PTPRG: variants seen among roughly 807,000 people sequenced by gnomAD.
PTPRG encodes receptor-type tyrosine-protein phosphatase gamma.
A neutral mutation model predicts 165.3 loss-of-function variants in PTPRG; 102 were observed. The ratio of observed to expected loss-of-function variants is 0.62; its 90% confidence interval spans 0.53 to 0.73. PTPRG has a LOEUF of 0.73. Ranked by LOEUF, PTPRG falls within the 30% of genes least tolerant of loss-of-function variation. PTPRG has a pLI of 0.00. For synonymous variants in PTPRG, 675 were observed against 669.5 expected (o/e 1.01, Z -0.13); for missense variants, 1,866 against 1,861.4 (o/e 1.00, Z -0.05).
At chr3:61,702,102 T>C (rs2030997165) in intron 1 of PTPRG, among the ~76,000 whole-genome samples, 1 of 152,094 alleles carries the variant, frequency 6.6e-6, no homozygotes, top group Admixed American at 6.5e-5. Context: ...CCTCAGCCTC[T>C]GGGGTAGCTA....
At chr3:61,846,074 C>A (rs867249293) in intron 2 of PTPRG, among the ~76,000 whole-genome samples, 1 of 152,090 alleles carries the variant, frequency 6.6e-6, no homozygotes, top group African/African-American at 2.4e-5. Context: ...GCTTGCTCAT[C>A]CATTAAATAG....
intron 1 of PTPRG, among the ~76,000 whole-genome samples, chr3:61,600,741 G>A (rs142293922): frequency 6.6e-6 from 1 of 152,146 alleles, no homozygotes; most frequent in African/African-American, 2.4e-5. Context: ...AGTTTTCCCA[G>A]TGTTGCCGAG....
chr3:61,994,280 A>T (rs373004575), intron 3 of PTPRG, among the ~76,000 whole-genome samples: 1 of 152,210 alleles, frequency 6.6e-6, no homozygotes, highest in East Asian at 1.9e-4. Context: ...GTGGCCTTCT[A>T]TGAATTTTAA....
chr3:61,833,168 A>G (rs2036357291), intron 2 of PTPRG, among the ~76,000 whole-genome samples: 1 of 151,560 alleles, frequency 6.6e-6, no homozygotes, highest in African/African-American at 2.4e-5. Context: ...TGAAGGGTGG[A>G]GTAGAGTTAG....
chr3:61,928,759 C>T (rs181191091), intron 2 of PTPRG, among the ~76,000 whole-genome samples: 1 of 151,936 alleles, frequency 6.6e-6, no homozygotes, highest in South Asian at 2.1e-4. Context: ...ATGAAAATGT[C>T]TTATCTCTTT....
At chr3:61,697,731 G>C (rs2030689118) in intron 1 of PTPRG, among the ~76,000 whole-genome samples, 1 of 151,884 alleles carries the variant, frequency 6.6e-6, no homozygotes, top group African/African-American at 2.4e-5. Flanking sequence ...ATCATTTATT[G>C]CTCCTTCAAA....
intron 6 of PTPRG, among the ~76,000 whole-genome samples, chr3:62,143,020 C>A (rs1703987377): frequency 6.6e-6 from 1 of 152,214 alleles, no homozygotes; most frequent in Non-Finnish European, 1.5e-5. Flanking sequence ...CAGAGTCTAA[C>A]CAAGGTCTTC....
intron 2 of PTPRG, among the ~76,000 whole-genome samples, chr3:61,805,620 G>C: frequency 6.6e-6 from 1 of 151,972 alleles, no homozygotes; most frequent in Non-Finnish European, 1.5e-5. Context: ...TCTGGGTTAG[G>C]GTAATTACCA....
chr3:61,570,984 G>C lies in PTPRG; in HGVS notation c.85+8612G>C, dbSNP rs140416203. On this transcript the variant is annotated intron_variant, in intron 1 of 29. Transcript: ENST00000474889. ...TTCAGATATACATATCTCTTATTCA[G>C]AATCCACACCAAAACCACAGAGACC... is the stretch of plus-strand genomic sequence containing the variant. Among the ~76,000 whole-genome samples the C allele has an allele frequency of 3.9e-3, 600 of 152,196 alleles. 7 individuals are homozygous for C. Among genetic ancestry groups the C allele is most frequent in the South Asian group, 0.029 (140 of 4,816 alleles).
intron 2 of PTPRG, among the ~76,000 whole-genome samples, chr3:61,950,436 G>A (rs2039872074): frequency 6.6e-6 from 1 of 152,198 alleles, no homozygotes; most frequent in African/African-American, 2.4e-5. Flanking sequence ...CATAGTAGGT[G>A]TTCAATGAAG....
intron 4 of PTPRG, among the ~76,000 whole-genome samples, chr3:62,077,138 C>T (rs763356441): frequency 5.3e-5 from 8 of 151,990 alleles, no homozygotes; most frequent in Non-Finnish European, 1.2e-4. Context: ...TTGTGGCATG[C>T]ACCTGTAGTC....
rs777681954 is a variant in PTPRG at position 61,793,522 on chromosome 3, TTG to T, written c.190+44542_190+44543del. On this transcript the variant is annotated intron_variant, in intron 2 of 29. Coordinates refer to ENST00000474889, the MANE Select transcript of PTPRG (RefSeq NM_002841.4). Reference sequence around the variant, plus strand: ...ACCTGAACCAGCTGTATCTGGAGCTTTGTACCTTAAACTTTTTAATTATTTGA... The same window carrying T: ...ACCTGAACCAGCTGTATCTGGAGCTTTACCTTAAACTTTTTAATTATTTGA... 1.5e-4 allele frequency among the ~76,000 whole-genome samples: 23 copies of T among 152,216 alleles called. 1 individual carries two copies. The highest frequency in any genetic ancestry group is 3.2e-4 in the Non-Finnish European group (22 of 68,048).
At chr3:61,940,916 G>T (rs1414250151) in intron 2 of PTPRG, among the ~76,000 whole-genome samples, 3 of 151,890 alleles carry the variant, frequency 2.0e-5, no homozygotes, top group African/African-American at 7.2e-5. Context: ...CGCCCGCCTC[G>T]GCCTCCCAAA....
At chr3:61,799,071 T>A (rs573660936) in intron 2 of PTPRG, among the ~76,000 whole-genome samples, 1 of 152,192 alleles carries the variant, frequency 6.6e-6, no homozygotes, top group African/African-American at 2.4e-5. Flanking sequence ...AGAACTCTAC[T>A]ATTTTCATAA....
At chr3:61,702,237 C>T (rs1044351986) in intron 1 of PTPRG, among the ~76,000 whole-genome samples, 1 of 152,032 alleles carries the variant, frequency 6.6e-6, no homozygotes, top group Non-Finnish European at 1.5e-5. Flanking sequence ...CCTCGGCCTC[C>T]CAAAGTGCTG....
intron 2 of PTPRG, among the ~76,000 whole-genome samples, chr3:61,864,015 A>T (rs537260116): frequency 1.3e-5 from 2 of 152,268 alleles, no homozygotes; most frequent in African/African-American, 4.8e-5. Flanking sequence ...CCAGCCCTGG[A>T]TCTTATCCTC....
Position 61,697,417 on chromosome 3 carries a change from C to T in PTPRG, c.86-51461C>T, listed in dbSNP as rs550453552. 2.0e-5 allele frequency among the ~76,000 whole-genome samples: 3 copies of T among 152,306 alleles called. No homozygotes were observed. The East Asian group carries it at 5.8e-4, about 29-fold the overall frequency. On this transcript the variant is annotated intron_variant, in intron 1 of 29. Coordinates refer to ENST00000474889, the MANE Select transcript of PTPRG (RefSeq NM_002841.4). ...TCTCTCTGGAATTCCCCATATCTGA[C>T]TTAGAAAGCTTCTTACAAAATAAAT...
chr3:62,272,389 T>C (rs1702094997), intron 21 of PTPRG, among the ~76,000 whole-genome samples: 1 of 152,204 alleles, frequency 6.6e-6, no homozygotes, highest in African/African-American at 2.4e-5. Flanking sequence ...AGTAAATGAC[T>C]TTAGTTGGTT....
chr3:61,791,735 A>T (rs934982149), intron 2 of PTPRG, among the ~76,000 whole-genome samples: 7 of 152,308 alleles, frequency 4.6e-5, no homozygotes, highest in African/African-American at 1.7e-4. Flanking sequence ...TGATCCGCCC[A>T]TCTCGGCTTC....
Sources: gnomAD v4.1 joint callset for allele counts (sites outside exome capture counted in the v4.1 genomes callset) on GRCh38, gnomAD v4.1.1 for gene constraint, MANE v1.5 for transcripts, NCBI Gene and HGNC (gene_info 2026-07-23, HGNC 2026-07-21) for gene names.